The following MYO1E variants were observed in gnomAD, a reference collection of about 807,000 sequenced individuals.
MYO1E encodes unconventional myosin-Ie.
MYO1E carries 68 observed loss-of-function variants against 151.1 expected under a neutral mutation model. That is an observed-to-expected ratio of 0.45 (90% CI 0.37 to 0.55). MYO1E has a LOEUF of 0.55. MYO1E is among the 20% of genes least tolerant of loss of function. The probability of loss-of-function intolerance (pLI) is 0.00; values close to 1 mark genes in which losing one functional copy is unlikely to be tolerated. For synonymous variants in MYO1E, 601 were observed against 501.7 expected (o/e 1.20, Z -2.64); for missense variants, 1,363 against 1,389.3 (o/e 0.98, Z 0.30).
chr15:59,218,726 T>C (rs867126844), intron 9 of MYO1E, among the ~76,000 whole-genome samples: 1 of 152,096 alleles, frequency 6.6e-6, no homozygotes, highest in Non-Finnish European at 1.5e-5. Flanking sequence ...ACAGACAAGA[T>C]CTGGAGAAAT....
chr15:59,171,960 C>T lies in MYO1E; in HGVS notation c.2417G>A (p.Gly806Asp). ...REKVKQGPDK[G>D]LVKEVLKRKI... The stretch of plus-strand genomic sequence containing the variant: ...CCGCTTCAGGACTTCTTTCACCAGG[C>T]CCTTGTCTGGGCCCTGTTTGACTTT... The change falls in exon 22 of 28, where the codon GGC becomes GAC. Residue 806 changes from glycine to aspartate, a missense_variant. Gly to Asp is a moderately conservative substitution (Grantham distance 94). Coordinates refer to ENST00000288235, the MANE Select transcript of MYO1E (RefSeq NM_004998.4). 2 of 1,614,232 alleles carry T rather than the reference C, an allele frequency of 1.2e-6. No homozygotes were observed. Among genetic ancestry groups the T allele is most frequent in the South Asian group, 1.1e-5 (1 of 91,088 alleles).
chr15:59,178,331 G>A, intron 19 of MYO1E, 62 bp downstream of exon 19: 2 of 1,590,384 alleles, frequency 1.3e-6, no homozygotes, highest in Non-Finnish European at 1.7e-6. Context: ...GCTGAGGGGT[G>A]GAGCAGGGCT....
At chr15:59,269,379 C>T (rs1345552204) in intron 2 of MYO1E, among the ~76,000 whole-genome samples, 1 of 152,198 alleles carries the variant, frequency 6.6e-6, no homozygotes, top group Non-Finnish European at 1.5e-5. Context: ...AGTCCAGATC[C>T]ACATCCTGCC....
chr15:59,321,625 A>T (rs2080626721), intron 1 of MYO1E, among the ~76,000 whole-genome samples: 1 of 152,240 alleles, frequency 6.6e-6, no homozygotes, highest in South Asian at 2.1e-4. Flanking sequence ...AGTGGGAGCT[A>T]AACATTGGGT....
intron 1 of MYO1E, among the ~76,000 whole-genome samples, chr15:59,371,449 G>T (rs1457500078): frequency 7.0e-4 from 63 of 90,558 alleles, no homozygotes; most frequent in African/African-American, 1.7e-3. Context: ...TTTTTTTTTT[G>T]ATGAACTGCC....
At chr15:59,140,463 A>G (rs1596338613) in intron 26 of MYO1E, among the ~76,000 whole-genome samples, 1 of 152,242 alleles carries the variant, frequency 6.6e-6, no homozygotes, top group Non-Finnish European at 1.5e-5. Context: ...AGTAAAGGCT[A>G]CATTCATTTC....
intron 18 of MYO1E, among the ~76,000 whole-genome samples, chr15:59,186,192 G>A (rs1443433194): frequency 4.6e-5 from 7 of 152,070 alleles, no homozygotes; most frequent in East Asian, 1.9e-4. Flanking sequence ...TCACCTCCAC[G>A]GTTATTAGGA....
intron 1 of MYO1E, among the ~76,000 whole-genome samples, chr15:59,291,006 C>T (rs910494823): frequency 5.3e-5 from 8 of 152,154 alleles, no homozygotes; most frequent in South Asian, 2.1e-4. Context: ...AAGTACAAGA[C>T]GGCATGCTCG....
At chr15:59,224,985 A>T (rs2079980580) in intron 7 of MYO1E, among the ~76,000 whole-genome samples, 162 bp from the exon 8 acceptor site, 1 of 152,228 alleles carries the variant, frequency 6.6e-6, no homozygotes, top group African/African-American at 2.4e-5. Flanking sequence ...GCCCCAGGTC[A>T]TCTCTGCAAA....
chr15:59,314,480 G>A (rs1047592321), intron 1 of MYO1E, among the ~76,000 whole-genome samples: 1 of 152,182 alleles, frequency 6.6e-6, no homozygotes, highest in Admixed American at 6.5e-5. Flanking sequence ...AGCCATGATG[G>A]TTAATGCCAC....
chr15:59,166,889 G>A (rs141431462), intron 22 of MYO1E, among the ~76,000 whole-genome samples: 6 of 152,234 alleles, frequency 3.9e-5, no homozygotes, highest in African/African-American at 7.2e-5. Context: ...TTTAAATCAC[G>A]CTGGGAACAC....
intron 16 of MYO1E, among the ~76,000 whole-genome samples, chr15:59,201,175 G>A (rs560227607): frequency 2.0e-5 from 3 of 149,782 alleles, no homozygotes; most frequent in Non-Finnish European, 4.4e-5. Context: ...ATGGCTCACT[G>A]CAGCTTTGAC....
chr15:59,334,569 C>T (rs200145079), intron 1 of MYO1E, among the ~76,000 whole-genome samples: 2 of 151,860 alleles, frequency 1.3e-5, no homozygotes, highest in East Asian at 3.9e-4. Context: ...ATGGTAACAG[C>T]ATATTCCCCC....
intron 1 of MYO1E, among the ~76,000 whole-genome samples, chr15:59,324,212 A>C (rs1232044651): frequency 6.6e-6 from 1 of 152,218 alleles, no homozygotes; most frequent in Non-Finnish European, 1.5e-5. Context: ...CCCAGACTCC[A>C]ATTAATTCTA....
chr15:59,327,785 G>T (rs555809693), intron 1 of MYO1E, among the ~76,000 whole-genome samples: 1 of 152,308 alleles, frequency 6.6e-6, no homozygotes, highest in East Asian at 1.9e-4. Context: ...CAGATTCGAT[G>T]TATTTTTATA....
intron 8 of MYO1E, 104 bp downstream of exon 8, chr15:59,224,585 C>CA (rs1201550614): frequency 6.8e-7 from 1 of 1,464,982 alleles, no homozygotes; most frequent in Non-Finnish European, 9.5e-7. Context: ...AAGAGGCGGA[C>CA]ATTTCATGCA....
At chr15:59,369,390 C>G (rs4775158) in intron 1 of MYO1E, among the ~76,000 whole-genome samples, 122,522 of 152,150 alleles carry the variant, frequency 0.81, 50,474 homozygotes, top group Non-Finnish European at 0.9. Flanking sequence ...GCATAAAAAT[C>G]AATCACAATT....
chr15:59,277,869 T>A (rs1379189745), intron 1 of MYO1E, among the ~76,000 whole-genome samples: 3 of 152,250 alleles, frequency 2.0e-5, no homozygotes, highest in African/African-American at 2.4e-5. Flanking sequence ...GTAATTTTTT[T>A]AAAACGGCAT....
intron 2 of MYO1E, among the ~76,000 whole-genome samples, chr15:59,264,571 A>G (rs1424734013): frequency 6.6e-6 from 1 of 152,220 alleles, no homozygotes; most frequent in Non-Finnish European, 1.5e-5. Flanking sequence ...TTTATCTGAA[A>G]TTCAAACTTA....
Sources: allele counts gnomAD v4.1 joint callset (sites outside exome capture counted in the v4.1 genomes callset), GRCh38; gene constraint gnomAD v4.1.1; transcripts MANE v1.5; gene names NCBI Gene and HGNC (gene_info 2026-07-23, HGNC 2026-07-21).